Variants in ABCB1 observed in about 807,000 individuals in gnomAD.
ABCB1 encodes the protein ATP-dependent translocase ABCB1.
A neutral mutation model predicts 142.0 loss-of-function variants in ABCB1; 69 were observed. That is an observed-to-expected ratio of 0.49 (90% confidence interval 0.40 to 0.59). The LOEUF (loss-of-function observed/expected upper bound fraction) is 0.59, where lower values mean the gene tolerates loss of function less well. Among genes scored for constraint, ABCB1 ranks in the 20% least tolerant of loss-of-function variants. ABCB1 has a pLI of 0.00. For synonymous variants in ABCB1, 532 were observed against 539.2 expected, an observed-to-expected ratio of 0.99 and a Z score of 0.18; for missense variants, 1,326 against 1,554.7, an observed-to-expected ratio of 0.85 and a Z score of 2.47.
At chr7:87,674,093 A>C (rs940912870) in intron 1 of ABCB1, among the ~76,000 whole-genome samples, 1 of 152,128 alleles carries the variant, frequency 6.6e-6, no homozygotes, top group Admixed American at 6.5e-5. Context: ...GGAAGGGCCA[A>C]GGTGTTTTCA....
chr7:87,690,300 G>A (rs1365569081), intron 1 of ABCB1, among the ~76,000 whole-genome samples: 3 of 151,926 alleles, frequency 2.0e-5, no homozygotes, highest in Non-Finnish European at 2.9e-5. Flanking sequence ...TTGTTCATGT[G>A]ATCTATATTT....
At chr7:87,594,715 G>T (rs117142455) in intron 3 of ABCB1, among the ~76,000 whole-genome samples, 4,563 of 152,236 alleles carry the variant, frequency 0.03, 64 homozygotes, top group Middle Eastern at 0.048. Context: ...TAGAATAAAA[G>T]CAGGAGTCAT....
chr7:87,521,178 C>T, intron 21 of ABCB1: 2 of 411,684 alleles, frequency 4.9e-6, no homozygotes, highest in South Asian at 2.5e-5. Flanking sequence ...AGAGAACTCA[C>T]AGTACTTCTA....
intron 25 of ABCB1, among the ~76,000 whole-genome samples, chr7:87,510,735 G>A (rs981008115): frequency 1.3e-5 from 2 of 152,118 alleles, no homozygotes; most frequent in Non-Finnish European, 2.9e-5. Context: ...GACACTGGCA[G>A]GTGCAGGGAT....
intron 1 of ABCB1, among the ~76,000 whole-genome samples, chr7:87,639,890 T>C (rs749414460): frequency 6.6e-6 from 1 of 151,882 alleles, no homozygotes. Context: ...ACGTTATTAC[T>C]ATTATATTTG....
chr7:87,578,712 G>C (rs1281566125), intron 4 of ABCB1, among the ~76,000 whole-genome samples: 1 of 49,902 alleles, frequency 2.0e-5, no homozygotes, highest in Non-Finnish European at 4.2e-5. Context: ...TTTTTTTTTT[G>C]AGACGGAGTC....
Position 87,567,024 on chromosome 7 carries a change from T to C in ABCB1, c.339-48A>G, listed in dbSNP as rs989116543. ...CACATGCTCTCTGTTTCCTAATCAA[T>C]GTACCTTTTCCAAAGAGACCACTCA... On this transcript the variant is annotated intron_variant, in intron 5 of 27. Transcript: ENST00000622132. 5 of 1,571,292 alleles carry C rather than the reference T, an allele frequency of 3.2e-6. No individual in the cohort carries two copies. In the Admixed American group the frequency reaches 5.0e-5, roughly 16 times the overall value.
intron 25 of ABCB1, among the ~76,000 whole-genome samples, chr7:87,511,083 G>A (rs1045479667): frequency 6.6e-6 from 1 of 152,158 alleles, no homozygotes; most frequent in African/African-American, 2.4e-5. Flanking sequence ...GTTATAATGA[G>A]TTTCTTCATT....
In ABCB1 at chr7:87,600,146, C is replaced by T; in HGVS notation, c.39G>A (p.Lys13=). The change falls in exon 2 of 28, where the codon AAG becomes AAA. Residue 13 remains lysine (K), a synonymous_variant. Transcript: ENST00000622132. ...TATTGTTCAGTTTAAAAAAGTTCTTCTTCTTTGCTCCTCCATTGCGGTCCC... is the reference window on the plus strand; with the variant it reads ...TATTGTTCAGTTTAAAAAAGTTCTTTTTCTTTGCTCCTCCATTGCGGTCCC... ...LEGDRNGGAK[K]KNFFKLNNKS... 1 of 1,614,102 alleles carries T rather than the reference C, an allele frequency of 6.2e-7. No homozygotes were observed. The highest frequency in any genetic ancestry group is 8.5e-7 in the Non-Finnish European group (1 of 1,179,944).
At chr7:87,551,679 A>G (rs910942603) in intron 9 of ABCB1, among the ~76,000 whole-genome samples, 1 of 152,112 alleles carries the variant, frequency 6.6e-6, no homozygotes, top group Admixed American at 6.5e-5. Context: ...AATTATAGAG[A>G]TGAGATCTCA....
chr7:87,668,174 G>C (rs1460496819), intron 1 of ABCB1, among the ~76,000 whole-genome samples: 1 of 149,462 alleles, frequency 6.7e-6, no homozygotes, highest in Non-Finnish European at 1.5e-5. Context: ...GCTCATTATT[G>C]GTCTGCTCAG....
intron 18 of ABCB1, among the ~76,000 whole-genome samples, chr7:87,540,001 GTAGT>G (rs1816463014): frequency 6.6e-6 from 1 of 152,198 alleles, no homozygotes; most frequent in Non-Finnish European, 1.5e-5. Context: ...AATCCTATAA[GTAGT>G]TAGAGTGTCA....
chr7:87,511,289 T>TG (rs1814996962), intron 25 of ABCB1, among the ~76,000 whole-genome samples: 1 of 152,128 alleles, frequency 6.6e-6, no homozygotes, highest in South Asian at 2.1e-4. Flanking sequence ...CAAGGAACTC[T>TG]GGGGAATCTA....
chr7:87,604,124 A>G (rs1167130249), upstream of ABCB1, among the ~76,000 whole-genome samples: 3 of 152,302 alleles, frequency 2.0e-5, no homozygotes, highest in East Asian at 5.8e-4. Context: ...ATAGAAATTA[A>G]AAAGCTGTTC....
chr7:87,541,857 T>A (rs1459716931), intron 17 of ABCB1, among the ~76,000 whole-genome samples: 1 of 152,148 alleles, frequency 6.6e-6, no homozygotes, highest in East Asian at 1.9e-4. Flanking sequence ...CCTGATGTGG[T>A]TTTTTGGTGA....
intron 7 of ABCB1, among the ~76,000 whole-genome samples, chr7:87,563,981 T>C (rs879196480): frequency 2.0e-5 from 3 of 148,930 alleles, no homozygotes; most frequent in South Asian, 2.1e-4. Context: ...CATGGATACA[T>C]AGAGGGGAAC....
chr7:87,608,595 A>G (rs564550081), intron 1 of ABCB1, among the ~76,000 whole-genome samples: 1 of 152,320 alleles, frequency 6.6e-6, no homozygotes, highest in East Asian at 1.9e-4. Flanking sequence ...AATTCCTGAC[A>G]TAAAAATAAC....
At chr7:87,591,490 T>C (rs188488945) in intron 3 of ABCB1, among the ~76,000 whole-genome samples, 67 of 152,270 alleles carry the variant, frequency 4.4e-4, no homozygotes, top group Non-Finnish European at 2.4e-4. Flanking sequence ...TATACCTTCA[T>C]AGAGGAAAGC....
chr7:87,678,868 CAAG>C (rs1296600901), intron 1 of ABCB1, among the ~76,000 whole-genome samples: 1 of 151,860 alleles, frequency 6.6e-6, no homozygotes, highest in Non-Finnish European at 1.5e-5. Context: ...ATTAATTTGC[CAAG>C]AAGACAGAAC....
Sources: allele counts gnomAD v4.1 joint callset (sites outside exome capture counted in the v4.1 genomes callset), GRCh38; gene constraint gnomAD v4.1.1; transcripts MANE v1.5; gene names NCBI Gene and HGNC (gene_info 2026-07-23, HGNC 2026-07-21).